MAP4K3: variants seen among roughly 807,000 people sequenced by gnomAD.
The protein encoded by MAP4K3 is MAPK/ERK kinase kinase kinase 3.
In MAP4K3, 94 loss-of-function variants were observed where a neutral mutation model predicts 143.5. The observed-to-expected ratio is 0.65, with a 90% CI of 0.55 to 0.78. The LOEUF is 0.78. Ranked by LOEUF, MAP4K3 falls within the 30% of genes least tolerant of loss-of-function variation. The pLI is 0.00. For synonymous variants in MAP4K3, 416 were observed against 347.2 expected (o/e 1.20, Z -2.20); for missense variants, 1,077 against 1,068.1 (o/e 1.01, Z -0.12).
chr2:39,340,208 G>A (rs1035040415), intron 4 of MAP4K3, among the ~76,000 whole-genome samples: 1 of 152,130 alleles, frequency 6.6e-6, no homozygotes, highest in Non-Finnish European at 1.5e-5. Context: ...TGATAAAAAA[G>A]AGGCAGAAGA....
intron 12 of MAP4K3, among the ~76,000 whole-genome samples, chr2:39,324,287 A>C (rs1573151697): frequency 6.6e-6 from 1 of 151,960 alleles, no homozygotes; most frequent in East Asian, 1.9e-4. Flanking sequence ...GGCTCCTGTA[A>C]TCCCAGCTAC....
intron 2 of MAP4K3, among the ~76,000 whole-genome samples, chr2:39,365,883 G>A (rs1008928225): frequency 1.3e-5 from 2 of 152,184 alleles, no homozygotes; most frequent in Non-Finnish European, 2.9e-5. Context: ...TAAACACAGA[G>A]AAGTGAGAAC....
intron 8 of MAP4K3, among the ~76,000 whole-genome samples, 191 bp from the exon 9 acceptor site, chr2:39,326,468 G>C (rs931813945): frequency 6.6e-6 from 1 of 152,068 alleles, no homozygotes; most frequent in Non-Finnish European, 1.5e-5. Context: ...ACCCTCATTA[G>C]TAACTTGCTT....
At chr2:39,271,667 C>A (rs185526333) in intron 26 of MAP4K3, among the ~76,000 whole-genome samples, 1 of 152,240 alleles carries the variant, frequency 6.6e-6, no homozygotes, top group Non-Finnish European at 1.5e-5. Context: ...TCATAGCTCA[C>A]TGCAGTCTCA....
intron 32 of MAP4K3, 120 bp from the exon 33 acceptor site, chr2:39,252,005 C>G: frequency 5.8e-6 from 4 of 692,970 alleles, no homozygotes; most frequent in Non-Finnish European, 1.0e-5. Flanking sequence ...CATATTCCTG[C>G]ATGACTGTTT....
At chr2:39,287,364 G>C (rs1259076773) in intron 20 of MAP4K3, among the ~76,000 whole-genome samples, 1 of 151,584 alleles carries the variant, frequency 6.6e-6, no homozygotes, top group Non-Finnish European at 1.5e-5. Flanking sequence ...CGTGATCTTG[G>C]CTCAGTGCAA....
At chr2:39,396,169 T>C (rs185330218) in intron 1 of MAP4K3, among the ~76,000 whole-genome samples, 4 of 151,860 alleles carry the variant, frequency 2.6e-5, no homozygotes, top group South Asian at 4.2e-4. Flanking sequence ...TCCGGAGCAG[T>C]TGGAACTACA....
chr2:39,332,064 T>C, intron 7 of MAP4K3, 75 bp from the exon 8 acceptor site: 1 of 761,376 alleles, frequency 1.3e-6, no homozygotes. Context: ...AAAAGAAACT[T>C]TTAAAAGTTA....
chr2:39,369,476 A>C (rs1029458911), intron 2 of MAP4K3, among the ~76,000 whole-genome samples: 1 of 152,084 alleles, frequency 6.6e-6, no homozygotes. Context: ...GGCTTTCCAT[A>C]AACTATCATC....
rs534440311 is a variant in MAP4K3, at chr2:39,333,768, T to G, written c.415-194A>C. On this transcript the variant is annotated intron_variant, in intron 6 of 33. Transcript: ENST00000263881. The stretch of plus-strand genomic sequence containing the variant: ...CACTTTTTAGGCAACTTGACTATCT[T>G]TATAAAATGTTCTGCCTTGCAAAAA... 2.6e-5 allele frequency among the ~76,000 whole-genome samples: 4 copies of G among 152,252 alleles called. No individual in the cohort carries two copies. The South Asian group carries it at 8.3e-4, about 32-fold the overall frequency.
At chr2:39,346,211 T>A (rs1665287821) in intron 3 of MAP4K3, among the ~76,000 whole-genome samples, 1 of 152,224 alleles carries the variant, frequency 6.6e-6, no homozygotes, top group Non-Finnish European at 1.5e-5. Context: ...CTCCTTTATT[T>A]GATCACTGTA....
intron 8 of MAP4K3, among the ~76,000 whole-genome samples, chr2:39,330,012 A>C (rs1213078108): frequency 1.3e-5 from 2 of 152,124 alleles, no homozygotes; most frequent in Admixed American, 1.3e-4. Context: ...TAGAGAAAAT[A>C]TAAGAAAATT....
At chr2:39,413,507 G>A (rs1418520303) in intron 1 of MAP4K3, among the ~76,000 whole-genome samples, 4 of 152,054 alleles carry the variant, frequency 2.6e-5, no homozygotes, top group Non-Finnish European at 4.4e-5. Context: ...CAAGATATAT[G>A]AAACCAAAGA....
At chr2:39,287,052 ACT>A (rs1317071687) in intron 20 of MAP4K3, 88 bp from the exon 21 acceptor site, 6 of 686,216 alleles carry the variant, frequency 8.7e-6, no homozygotes, top group Non-Finnish European at 9.7e-6. Flanking sequence ...AAAAATATTA[ACT>A]CTGACATAGT....
intron 1 of MAP4K3, among the ~76,000 whole-genome samples, chr2:39,416,966 C>G (rs947077654): frequency 6.6e-6 from 1 of 152,140 alleles, no homozygotes; most frequent in Non-Finnish European, 1.5e-5. Context: ...AAAGTTCCTA[C>G]AACATAGCAT....
chr2:39,268,234 T>C (rs1680851631), intron 26 of MAP4K3, among the ~76,000 whole-genome samples: 1 of 152,190 alleles, frequency 6.6e-6, no homozygotes, highest in Non-Finnish European at 1.5e-5. Context: ...CAAATGTCTT[T>C]TAAAATGTAA....
chr2:39,290,207 GA>G (rs1681980793), intron 19 of MAP4K3, 84 bp downstream of exon 19: 5 of 941,810 alleles, frequency 5.3e-6, no homozygotes, highest in Admixed American at 5.9e-5. Context: ...GATCACAAAT[GA>G]AAAGCTAGAA....
At chr2:39,277,481 T>C (rs1681317374) in intron 24 of MAP4K3, among the ~76,000 whole-genome samples, 1 of 152,218 alleles carries the variant, frequency 6.6e-6, no homozygotes, top group Non-Finnish European at 1.5e-5. Context: ...ATACACCTGT[T>C]TTCCCTATTA....
intron 4 of MAP4K3, among the ~76,000 whole-genome samples, chr2:39,340,809 G>A (rs964521512): frequency 6.6e-6 from 1 of 152,068 alleles, no homozygotes; most frequent in Non-Finnish European, 1.5e-5. Context: ...AAAATATATG[G>A]TAACCAAAAA....
Sources: allele counts gnomAD v4.1 joint callset (sites outside exome capture counted in the v4.1 genomes callset), GRCh38; gene constraint gnomAD v4.1.1; transcripts MANE v1.5; gene names NCBI Gene and HGNC (gene_info 2026-07-23, HGNC 2026-07-21).